NKAIN2: variants seen among roughly 807,000 people sequenced by gnomAD.
NKAIN2 encodes the protein sodium/potassium-transporting ATPase subunit beta-1-interacting protein 2.
In NKAIN2, 14 loss-of-function variants were observed where a neutral mutation model predicts 32.6. That is an observed-to-expected ratio of 0.43 (90% CI 0.28 to 0.67). The LOEUF (loss-of-function observed/expected upper bound fraction) is 0.67, where lower values mean the gene tolerates loss of function less well. NKAIN2 is among the 30% of genes least tolerant of loss of function. The pLI is 0.17. For missense variants in NKAIN2, 198 were observed against 258.3 expected (o/e 0.77, Z 1.60); for synonymous variants, 80 against 87.2 (o/e 0.92, Z 0.46).
At chr6:124,035,729 C>G (rs2114797294) in intron 1 of NKAIN2, among the ~76,000 whole-genome samples, 1 of 152,276 alleles carries the variant, frequency 6.6e-6, no homozygotes, top group South Asian at 2.1e-4. Context: ...TCACATCCCT[C>G]TTGCCACCGT....
intron 1 of NKAIN2, among the ~76,000 whole-genome samples, chr6:124,117,754 A>G (rs1582677119): frequency 6.6e-6 from 1 of 151,844 alleles, no homozygotes; most frequent in South Asian, 2.1e-4. Context: ...TGTGTTATGC[A>G]GTGATTCAAT....
At position 123,803,952 on chromosome 6, in the gene NKAIN2, G is replaced by A. The variant is rs1773097938; in HGVS notation, c.-249G>A. ...CGCCTCCGCAGGCGGCACTGCCCGC[G>A]GCGCGGCGTGTGCACCGAGCGAGTG... On this transcript the variant is annotated 5_prime_UTR_variant, in exon 1 of 7. Transcript: ENST00000368417. 6.6e-6 allele frequency among the ~76,000 whole-genome samples: 1 copy of A among 150,690 alleles called. No homozygotes were observed. The highest frequency in any genetic ancestry group is 2.1e-4 in the South Asian group (1 of 4,828).
At chr6:124,084,435 A>G (rs1051821726) in intron 1 of NKAIN2, among the ~76,000 whole-genome samples, 6 of 152,016 alleles carry the variant, frequency 3.9e-5, no homozygotes, top group Non-Finnish European at 8.8e-5. Flanking sequence ...ATAGTAGATT[A>G]TACCATCTAG....
intron 2 of NKAIN2, among the ~76,000 whole-genome samples, chr6:124,323,784 C>CTTTTTT (rs1188944631): frequency 5.3e-4 from 61 of 115,894 alleles, no homozygotes; most frequent in East Asian, 1.2e-3. Flanking sequence ...TTAATTTTTT[C>CTTTTTT]TTTTTTTTTT....
intron 1 of NKAIN2, among the ~76,000 whole-genome samples, chr6:124,202,778 G>C (rs143064866): frequency 6.6e-6 from 1 of 151,808 alleles, no homozygotes; most frequent in Non-Finnish European, 1.5e-5. Flanking sequence ...TGTGCTACAA[G>C]TAATAGCTCT....
intron 3 of NKAIN2, among the ~76,000 whole-genome samples, chr6:124,424,991 C>T (rs1774920167): frequency 6.6e-6 from 1 of 152,048 alleles, no homozygotes; most frequent in Admixed American, 6.6e-5. Context: ...AAACAGTTTT[C>T]CCTATGGCTA....
rs80104908 is a variant in NKAIN2, at chr6:124,594,583, G to A, written c.274-63603G>A. Among the ~76,000 whole-genome samples the A allele has an allele frequency of 9.4e-3, 1,432 of 152,282 alleles. 22 individuals are homozygous for A. Among genetic ancestry groups the A allele is most frequent in the African/African-American group, 0.033 (1,377 of 41,560 alleles). ...AAGAGTTGATTCCTGACTTACAGGT[G>A]TGACATCTGCAGAAATGAAGAAATG... On this transcript the variant is annotated intron_variant, in intron 3 of 6. Transcript: ENST00000368417.
chr6:124,613,559 C>T (rs749794005), intron 3 of NKAIN2, among the ~76,000 whole-genome samples: 1 of 152,012 alleles, frequency 6.6e-6, no homozygotes, highest in Admixed American at 6.6e-5. Context: ...AAATACATGC[C>T]CTAGTCTCAT....
intron 3 of NKAIN2, among the ~76,000 whole-genome samples, chr6:124,535,988 CGATGGG>C (rs1394071955): frequency 6.6e-6 from 1 of 152,168 alleles, no homozygotes; most frequent in Non-Finnish European, 1.5e-5. Context: ...AATCTGCTGC[CGATGGG>C]CAGCTAGCCA....
chr6:124,691,784 C>T (rs1774264694), intron 4 of NKAIN2, among the ~76,000 whole-genome samples: 1 of 152,138 alleles, frequency 6.6e-6, no homozygotes, highest in Admixed American at 6.5e-5. Context: ...GGCCCTCTCT[C>T]ACACCACCTC....
intron 3 of NKAIN2, among the ~76,000 whole-genome samples, chr6:124,635,708 C>T (rs2114330408): frequency 6.6e-6 from 1 of 151,932 alleles, no homozygotes; most frequent in East Asian, 1.9e-4. Context: ...GTCATTGTAT[C>T]ATAATAAAGG....
intron 1 of NKAIN2, among the ~76,000 whole-genome samples, chr6:124,027,156 T>A (rs1178836092): frequency 1.1e-4 from 16 of 148,916 alleles, no homozygotes; most frequent in African/African-American, 4.1e-4. Context: ...TTTTTTTTTT[T>A]AAGACAGATT....
chr6:124,586,823 C>T (rs1480073447), intron 3 of NKAIN2, among the ~76,000 whole-genome samples: 3 of 152,116 alleles, frequency 2.0e-5, no homozygotes, highest in Admixed American at 6.5e-5. Context: ...AATCGTGATA[C>T]CTCTATACAA....
chr6:124,418,166 GTGTGTGTGTGTC>G (rs1216783990), intron 3 of NKAIN2, among the ~76,000 whole-genome samples: 1 of 151,894 alleles, frequency 6.6e-6, no homozygotes, highest in Non-Finnish European at 1.5e-5. Context: ...GACTGTGTGT[GTGTGTGTGTGTC>G]TGTGTGTGTG....
intron 3 of NKAIN2, among the ~76,000 whole-genome samples, chr6:124,547,286 T>C (rs1780127959): frequency 6.6e-6 from 1 of 152,202 alleles, no homozygotes; most frequent in Admixed American, 6.5e-5. Flanking sequence ...GTTTTTTTTT[T>C]AGCCTTTGCT....
At chr6:124,379,166 AG>A (rs1373291293) in intron 3 of NKAIN2, among the ~76,000 whole-genome samples, 7 of 25,156 alleles carry the variant, frequency 2.8e-4, no homozygotes, top group Non-Finnish European at 3.0e-4. Flanking sequence ...AGGGGAGGGG[AG>A]GGAGGGAGGG....
At position 124,132,449 on chromosome 6, in the gene NKAIN2, C is replaced by A. The variant is rs117955317; in HGVS notation, c.55-150556C>A. On this transcript the variant is annotated intron_variant, in intron 1 of 6. Coordinates refer to ENST00000368417, the MANE Select transcript of NKAIN2 (RefSeq NM_001040214.3). ...GCAACCTCAAATCCCACTGCTAATA[C>A]CACAGCTGGTGCTCTCTTGAAAGAA... 9.3e-3 allele frequency among the ~76,000 whole-genome samples: 1,413 copies of A among 152,350 alleles called. 11 individuals are homozygous for A. Among genetic ancestry groups the A allele is most frequent in the Non-Finnish European group, 0.015 (1,048 of 68,034 alleles).
At chr6:123,842,471 C>T (rs1774912264) in intron 1 of NKAIN2, among the ~76,000 whole-genome samples, 1 of 152,236 alleles carries the variant, frequency 6.6e-6, no homozygotes, top group East Asian at 1.9e-4. Flanking sequence ...TTTATCATCT[C>T]CTCAGAGGCC....
rs545180508 is a variant in NKAIN2 at position 124,190,502 on chromosome 6, C to A, written c.55-92503C>A. 7.9e-5 allele frequency among the ~76,000 whole-genome samples: 12 copies of A among 152,256 alleles called. No homozygotes were observed. In the South Asian group the frequency reaches 2.3e-3, roughly 29 times the overall value. Reference sequence around the variant, plus strand: ...CAGATAGTAACCAGTCTGGCAGGTTCTTTTGTGAAGACGTTTGTTGGAAGG... The same window carrying A: ...CAGATAGTAACCAGTCTGGCAGGTTATTTTGTGAAGACGTTTGTTGGAAGG... On this transcript the variant is annotated intron_variant, in intron 1 of 6. Coordinates refer to ENST00000368417, the MANE Select transcript of NKAIN2 (RefSeq NM_001040214.3).
Sources: gnomAD v4.1 joint callset for allele counts (sites outside exome capture counted in the v4.1 genomes callset) on GRCh38, gnomAD v4.1.1 for gene constraint, MANE v1.5 for transcripts, NCBI Gene and HGNC (gene_info 2026-07-23, HGNC 2026-07-21) for gene names.